The following ARHGEF3 variants were observed in gnomAD, a reference collection of about 807,000 sequenced individuals.
ARHGEF3 encodes the protein 59.8 kDA protein.
ARHGEF3 carries 28 observed loss-of-function variants against 63.2 expected under a neutral mutation model. The observed-to-expected ratio is 0.44, with a 90% CI of 0.33 to 0.61. The LOEUF (loss-of-function observed/expected upper bound fraction) is 0.61. Ranked by LOEUF, ARHGEF3 falls within the 20% of genes least tolerant of loss-of-function variation. The pLI is 0.03. For missense variants in ARHGEF3, 533 were observed against 659.3 expected (o/e 0.81, Z 2.10); for synonymous variants, 266 against 254.2 (o/e 1.05, Z -0.44).
intron 7 of ARHGEF3, among the ~76,000 whole-genome samples, chr3:56,742,221 A>G (rs2034084299): frequency 6.6e-6 from 1 of 151,910 alleles, no homozygotes; most frequent in African/African-American, 2.4e-5. Flanking sequence ...GGTGGGGGGA[A>G]GGGATGCTCT....
intron 4 of ARHGEF3, among the ~76,000 whole-genome samples, chr3:56,833,724 G>C (rs1445236364): frequency 1.3e-5 from 2 of 152,122 alleles, no homozygotes; most frequent in Non-Finnish European, 2.9e-5. Flanking sequence ...TATAAGGCAG[G>C]ATCACAGAAT....
At chr3:56,817,258 C>T (rs1471411790) in intron 4 of ARHGEF3, among the ~76,000 whole-genome samples, 1 of 152,148 alleles carries the variant, frequency 6.6e-6, no homozygotes, top group African/African-American at 2.4e-5. Flanking sequence ...TAAGGGGCTA[C>T]CACATAGTAA....
intron 3 of ARHGEF3, among the ~76,000 whole-genome samples, chr3:56,951,080 G>A (rs1390671037): frequency 6.6e-6 from 1 of 151,686 alleles, no homozygotes; most frequent in Non-Finnish European, 1.5e-5. Context: ...ATTGAACAAT[G>A]AGAACACATG....
chr3:56,758,648 A>C (rs963504018), intron 2 of ARHGEF3, among the ~76,000 whole-genome samples: 1 of 152,160 alleles, frequency 6.6e-6, no homozygotes, highest in Non-Finnish European at 1.5e-5. Context: ...CAGGTCAAGA[A>C]AGTACTTGCA....
chr3:56,902,253 G>T (rs1208459901), intron 3 of ARHGEF3, among the ~76,000 whole-genome samples: 1 of 152,148 alleles, frequency 6.6e-6, no homozygotes, highest in Non-Finnish European at 1.5e-5. Flanking sequence ...ATTAATTCTG[G>T]CGTTAGAAAC....
At chr3:56,853,873 C>T (rs1164693978) in intron 4 of ARHGEF3, among the ~76,000 whole-genome samples, 1 of 152,000 alleles carries the variant, frequency 6.6e-6, no homozygotes, top group Non-Finnish European at 1.5e-5. Context: ...GTTTGAGGGT[C>T]AGGGGAGGGC....
chr3:56,954,821 T>C (rs1699970020), intron 3 of ARHGEF3, among the ~76,000 whole-genome samples: 1 of 152,186 alleles, frequency 6.6e-6, no homozygotes, highest in Non-Finnish European at 1.5e-5. Context: ...TGAGCCTCTC[T>C]ACAGCCAAAC....
intron 4 of ARHGEF3, chr3:56,882,166 C>T: frequency 2.2e-6 from 2 of 894,606 alleles, no homozygotes; most frequent in East Asian, 2.8e-5. Context: ...AAATTTCCCC[C>T]AGGTCACAAC....
chr3:56,893,474 C>A (rs566734046), intron 3 of ARHGEF3, among the ~76,000 whole-genome samples: 10 of 146,520 alleles, frequency 6.8e-5, no homozygotes, highest in Non-Finnish European at 1.4e-4. Context: ...CCACCACGCC[C>A]AACCCCTTTG....
At chr3:56,867,247 A>AT (rs2040280713) in intron 4 of ARHGEF3, among the ~76,000 whole-genome samples, 1 of 152,230 alleles carries the variant, frequency 6.6e-6, no homozygotes, top group Non-Finnish European at 1.5e-5. Flanking sequence ...TCAATCATTT[A>AT]TCCAACAAAT....
At position 56,751,395 on chromosome 3, in the gene ARHGEF3, G is replaced by A; in HGVS notation, c.440C>T (p.Ala147Val). ...LIEDLKLAKK[A>V]YHDPMLKLSI... ...GAGTTTCAGCATGGGGTCATGATAG[G>A]CCTGCACAAAAACGGCAAGAGATGG... Residue 147 changes from alanine (A) to valine (V), a missense_variant and splice_region_variant, in exon 5 of 10, where the codon GCC becomes GTC. Physicochemically the swap from Ala to Val is moderately conservative, Grantham distance 64. Coordinates refer to ENST00000296315, the MANE Select transcript of ARHGEF3 (RefSeq NM_019555.3). 1 of 1,613,248 alleles carries A rather than the reference G, an allele frequency of 6.2e-7. No homozygotes were observed. The highest frequency in any genetic ancestry group is 8.5e-7 in the Non-Finnish European group (1 of 1,179,288).
intron 3 of ARHGEF3, among the ~76,000 whole-genome samples, chr3:56,883,523 C>T (rs1329982248): frequency 1.3e-5 from 2 of 152,116 alleles, no homozygotes; most frequent in Non-Finnish European, 2.9e-5. Flanking sequence ...TCTCAAACTC[C>T]TGGGCTCAAG....
At chr3:56,908,581 AC>A (rs1406486575) in intron 3 of ARHGEF3, among the ~76,000 whole-genome samples, 15 of 152,144 alleles carry the variant, frequency 9.9e-5, no homozygotes, top group Non-Finnish European at 1.8e-4. Flanking sequence ...GGACAAGACA[AC>A]TCAGTTTTGC....
rs367777482 is a variant in ARHGEF3, at chr3:56,801,938, C to A, written c.-140G>T. The A allele has an allele frequency of 9.8e-6, 15 of 1,533,910 alleles. No homozygotes were observed. Among genetic ancestry groups the A allele is most frequent in the East Asian group, 2.5e-5 (1 of 40,624 alleles). ...GACCGACAGCCGGCTTCTAGCCGGG[C>A]AGGACTCGACTGGGCTCCGGAGCCG... is the stretch of plus-strand genomic sequence containing the variant. On this transcript the variant is annotated 5_prime_UTR_variant, in exon 1 of 10. Transcript: ENST00000296315.
chr3:56,815,327 GTATA>G (rs1279478465), intron 4 of ARHGEF3, among the ~76,000 whole-genome samples: 1 of 152,122 alleles, frequency 6.6e-6, no homozygotes, highest in African/African-American at 2.4e-5. Context: ...AGACTGAAGT[GTATA>G]TGGAGTATTA....
chr3:56,899,280 G>A (rs555172334), intron 3 of ARHGEF3, among the ~76,000 whole-genome samples: 1 of 152,188 alleles, frequency 6.6e-6, no homozygotes, highest in Non-Finnish European at 1.5e-5. Context: ...CATATGGGTG[G>A]GGCACCGGGA....
At chr3:57,002,464 ATATATATATATATGT>A (rs1280709451) in intron 2 of ARHGEF3, among the ~76,000 whole-genome samples, 2 of 18,042 alleles carry the variant, frequency 1.1e-4, no homozygotes, top group African/African-American at 3.6e-4. Context: ...TCTAAGCACT[ATATATATATATATGT>A]TATATATATA....
At chr3:56,868,366 T>G (rs1223053890) in intron 4 of ARHGEF3, among the ~76,000 whole-genome samples, 11 of 151,698 alleles carry the variant, frequency 7.3e-5, no homozygotes, top group South Asian at 2.1e-4. Context: ...TGTTTGTTTT[T>G]TTTTTTTTTC....
chr3:56,887,877 A>G (rs376524996), intron 3 of ARHGEF3, among the ~76,000 whole-genome samples: 2 of 152,362 alleles, frequency 1.3e-5, no homozygotes, highest in East Asian at 1.9e-4. Flanking sequence ...AGGTCAGTGA[A>G]TAATTTCTAA....
Sources: allele counts gnomAD v4.1 joint callset (sites outside exome capture counted in the v4.1 genomes callset), GRCh38; gene constraint gnomAD v4.1.1; transcripts MANE v1.5; gene names NCBI Gene and HGNC (gene_info 2026-07-23, HGNC 2026-07-21).